Variants in NFATC2 observed in about 807,000 individuals in gnomAD.
NFATC2 encodes nuclear factor of activated T-cells, cytoplasmic 2.
Under a neutral mutation model 87.3 loss-of-function variants are expected in NFATC2, and 22 were observed. The ratio of observed to expected loss-of-function variants is 0.25; its 90% CI spans 0.18 to 0.36. The LOEUF is 0.36. NFATC2 is among the 10% of genes least tolerant of loss of function. The pLI, the probability that NFATC2 is intolerant of heterozygous loss-of-function variation, is 1.00. For synonymous variants in NFATC2, 565 were observed against 542.2 expected (o/e 1.04, Z -0.58); for missense variants, 1,149 against 1,259.1 (o/e 0.91, Z 1.32).
chr20:51,500,668 C>T (rs1485018789), intron 3 of NFATC2, among the ~76,000 whole-genome samples: 3 of 109,672 alleles, frequency 2.7e-5, no homozygotes, highest in East Asian at 3.0e-4. Context: ...TCCACCCCCA[C>T]CCTCACCACC....
intron 5 of NFATC2, among the ~76,000 whole-genome samples, chr20:51,472,374 C>T (rs1466441929): frequency 6.6e-6 from 1 of 152,150 alleles, no homozygotes; most frequent in African/African-American, 2.4e-5. Context: ...CCCCAATCTC[C>T]ACTATTCCCT....
intron 10 of NFATC2, among the ~76,000 whole-genome samples, chr20:51,395,620 A>C (rs1390445896): frequency 4.7e-4 from 33 of 70,632 alleles, no homozygotes; most frequent in Non-Finnish European, 8.0e-4. Context: ...GCCCTAAAAG[A>C]CTGATGGAGA....
intron 2 of NFATC2, among the ~76,000 whole-genome samples, chr20:51,517,732 C>A (rs563831229): frequency 3.3e-5 from 5 of 152,024 alleles, no homozygotes; most frequent in Non-Finnish European, 4.4e-5. Flanking sequence ...GCCTGGCCAA[C>A]ATGGCGAAAC....
intron 3 of NFATC2, among the ~76,000 whole-genome samples, chr20:51,505,537 C>T (rs1038376327): frequency 9.9e-5 from 15 of 151,518 alleles, no homozygotes; most frequent in African/African-American, 2.9e-4. Flanking sequence ...CACATGCATA[C>T]GAATGAAATT....
intron 4 of NFATC2, among the ~76,000 whole-genome samples, chr20:51,474,963 C>CTTTTT (rs1387504137): frequency 1.4e-5 from 2 of 147,162 alleles, no homozygotes; most frequent in Non-Finnish European, 3.0e-5. Flanking sequence ...ACATATTATA[C>CTTTTT]TTTATTTATT....
In NFATC2 at chr20:51,454,581, C is replaced by T; in HGVS notation, c.1816G>A (p.Glu606Lys). 2 of 1,614,072 alleles carry T rather than the reference C, an allele frequency of 1.2e-6. No individual in the cohort carries two copies. The highest frequency in any genetic ancestry group is 1.7e-6 in the Non-Finnish European group (2 of 1,180,020). Residue 606 changes from glutamate (E) to lysine (K), a missense_variant, in exon 6 of 11, where the codon GAG becomes AAG. Physicochemically the swap from Glu to Lys is moderately conservative, Grantham distance 56. Transcript: ENST00000371564. ...TTCTCAGTAAACACAACTTTGGACT[C>T]GGATGTAAAGTTCTGCCCCGTGAGG... is the stretch of plus-strand genomic sequence containing the variant. The part of the protein sequence containing the change: ...MILTGQNFTS[E>K]SKVVFTEKTT...
chr20:51,431,510 T>A (rs924932553), intron 9 of NFATC2, among the ~76,000 whole-genome samples: 3 of 152,112 alleles, frequency 2.0e-5, no homozygotes, highest in Non-Finnish European at 4.4e-5. Context: ...TTCCTTCCCA[T>A]CAATGCGCAT....
At chr20:51,458,158 C>T (rs949337688) in intron 5 of NFATC2, among the ~76,000 whole-genome samples, 2 of 151,868 alleles carry the variant, frequency 1.3e-5, no homozygotes, top group African/African-American at 2.4e-5. Context: ...ATTATAGGCA[C>T]GAGCCACTGT....
intron 10 of NFATC2, 72 bp downstream of exon 10, chr20:51,398,571 A>AAAAAAAAAATATACTTTACTT: frequency 8.1e-4 from 1 of 1,242 alleles, no homozygotes; most frequent in Admixed American, 0.025. Flanking sequence ...TACTTTACTT[A>AAAAAAAAAATATACTTTACTT]AAAAAAAAAA....
chr20:51,434,773 G>A (rs1206734493), intron 8 of NFATC2, among the ~76,000 whole-genome samples: 1 of 152,166 alleles, frequency 6.6e-6, no homozygotes, highest in Non-Finnish European at 1.5e-5. Context: ...ATTAGGCCAT[G>A]GGGTGATGAC....
At chr20:51,455,905 T>C (rs1331850254) in intron 5 of NFATC2, among the ~76,000 whole-genome samples, 1 of 11,802 alleles carries the variant, frequency 8.5e-5, no homozygotes, top group African/African-American at 2.9e-4. Context: ...GGTGGGTGGG[T>C]GGGTGGGTGG....
At chr20:51,530,243 T>G (rs1428523565) in intron 1 of NFATC2, among the ~76,000 whole-genome samples, 1 of 152,162 alleles carries the variant, frequency 6.6e-6, no homozygotes. Flanking sequence ...CTCGACTCAC[T>G]GCAACCTCCG....
chr20:51,539,568 C>T (rs1051085749), intron 1 of NFATC2, among the ~76,000 whole-genome samples: 2 of 152,088 alleles, frequency 1.3e-5, no homozygotes, highest in Non-Finnish European at 2.9e-5. Flanking sequence ...AGGGCAGCCT[C>T]GAACTCCTGG....
rs1014333437 is a variant in NFATC2 at position 51,448,370 on chromosome 20, A to G, written c.1849+6178T>C. ...AGAAATGGTGGAGGAGGCCGGACGC[A>G]GTGGCTCGCGCCTGTAATCCCAACA... is the stretch of plus-strand genomic sequence containing the variant. On this transcript the variant is annotated intron_variant, in intron 6 of 10. Coordinates refer to ENST00000371564, the MANE Select transcript of NFATC2 (RefSeq NM_012340.5). 2.0e-5 allele frequency among the ~76,000 whole-genome samples: 3 copies of G among 152,216 alleles called. No homozygotes were observed. The South Asian group carries it at 6.2e-4, about 32-fold the overall frequency.
At chr20:51,403,688 T>C (rs1179069817) in intron 9 of NFATC2, among the ~76,000 whole-genome samples, 1 of 152,158 alleles carries the variant, frequency 6.6e-6, no homozygotes, top group Middle Eastern at 3.2e-3. Context: ...GTCAGTCTCA[T>C]TGTCTCACAG....
intron 5 of NFATC2, among the ~76,000 whole-genome samples, chr20:51,460,112 C>T (rs1600785170): frequency 6.6e-6 from 1 of 152,162 alleles, no homozygotes; most frequent in Admixed American, 6.5e-5. Flanking sequence ...TCTTTGCTAT[C>T]GTTGACTTTC....
chr20:51,426,603 C>T (rs761374), intron 9 of NFATC2, among the ~76,000 whole-genome samples: 83,959 of 152,104 alleles, frequency 0.55, 24,623 homozygotes, highest in South Asian at 0.67. Context: ...TCTCATTCTA[C>T]AGATGGGGAC....
At chr20:51,446,454 C>T (rs1985067289) in intron 6 of NFATC2, among the ~76,000 whole-genome samples, 1 of 152,174 alleles carries the variant, frequency 6.6e-6, no homozygotes, top group Non-Finnish European at 1.5e-5. Context: ...GAGGCCAATC[C>T]AGGCTTCAGG....
Position 51,391,111 on chromosome 20 carries a change from T to C in NFATC2, c.*385A>G, listed in dbSNP as rs1216771127. 3 of 563,752 alleles carry C rather than the reference T, an allele frequency of 5.3e-6. No individual in the cohort carries two copies. Among genetic ancestry groups the C allele is most frequent in the Non-Finnish European group, 9.9e-6 (3 of 301,534 alleles). The allele number at this position is 563,752 out of a possible 1,614,324, so 34.9% of individuals were successfully genotyped here. On this transcript the variant is annotated 3_prime_UTR_variant, in exon 11 of 11. Transcript: ENST00000371564. ...GAGAGTTCCAGTGTCCTGTCTCATG[T>C]AGAATGTGCTTTTGGTCAGCAGGTG...
Sources: gnomAD v4.1 joint callset for allele counts (sites outside exome capture counted in the v4.1 genomes callset) on GRCh38, gnomAD v4.1.1 for gene constraint, MANE v1.5 for transcripts, NCBI Gene and HGNC (gene_info 2026-07-23, HGNC 2026-07-21) for gene names.